CALN1: variants seen among roughly 807,000 people sequenced by gnomAD.
The protein encoded by CALN1 is calcium-binding protein 8.
A neutral mutation model predicts 30.6 loss-of-function variants in CALN1; 17 were observed. The observed-to-expected ratio is 0.56, with a 90% confidence interval of 0.38 to 0.83. CALN1 has a LOEUF of 0.83. Among genes scored for constraint, CALN1 ranks in the 40% least tolerant of loss-of-function variants. The probability of loss-of-function intolerance (pLI) is 0.00; values close to 1 mark genes in which losing one functional copy is unlikely to be tolerated. For missense variants in CALN1, 291 were observed against 354.9 expected (o/e 0.82, Z 1.45); for synonymous variants, 156 against 131.4 (o/e 1.19, Z -1.28).
intron 3 of CALN1, among the ~76,000 whole-genome samples, chr7:72,208,965 C>A (rs1014587682): frequency 6.6e-6 from 1 of 151,878 alleles, no homozygotes; most frequent in African/African-American, 2.4e-5. Flanking sequence ...CTCCCTCCCT[C>A]CCTTTCCTTC....
At chr7:71,884,786 C>T (rs183387930) in intron 5 of CALN1, among the ~76,000 whole-genome samples, 1 of 152,196 alleles carries the variant, frequency 6.6e-6, no homozygotes, top group African/African-American at 2.4e-5. Context: ...GTTTCTTTGC[C>T]ATATTTTGAA....
At chr7:72,193,374 C>T (rs1028318516) in intron 3 of CALN1, among the ~76,000 whole-genome samples, 9 of 151,992 alleles carry the variant, frequency 5.9e-5, no homozygotes, top group African/African-American at 2.2e-4. Context: ...TCAGACATTT[C>T]TGTAGAAGAT....
intron 3 of CALN1, among the ~76,000 whole-genome samples, chr7:72,264,856 GGCCCC>G (rs1796506666): frequency 6.6e-6 from 1 of 152,080 alleles, no homozygotes; most frequent in Non-Finnish European, 1.5e-5. Context: ...CCATCTGATA[GGCCCC>G]AGTGTGTATT....
chr7:72,282,241 A>C (rs777909442), intron 2 of CALN1, among the ~76,000 whole-genome samples: 3 of 152,228 alleles, frequency 2.0e-5, no homozygotes, highest in African/African-American at 4.8e-5. Context: ...CTGAAACTAA[A>C]ACTTGAAGAT....
At position 72,388,626 on chromosome 7, in the gene CALN1, T is replaced by C. The variant is rs866257848; in HGVS notation, c.119+14625A>G. Reference sequence around the variant, plus strand: ...AAATTCAAAACCGTTCTAAAAAAAGTTTATTCTTAAAAAATTTATTCTCAT... The same window carrying C: ...AAATTCAAAACCGTTCTAAAAAAAGCTTATTCTTAAAAAATTTATTCTCAT... On this transcript the variant is annotated intron_variant, in intron 2 of 6. Coordinates refer to ENST00000395275, the MANE Select transcript of CALN1 (RefSeq NM_031468.4). 7.9e-5 allele frequency among the ~76,000 whole-genome samples: 12 copies of C among 152,272 alleles called. No homozygotes were observed. The South Asian group carries it at 1.7e-3, about 21-fold the overall frequency.
chr7:71,819,175 G>T (rs1318923049), intron 5 of CALN1, among the ~76,000 whole-genome samples: 2 of 150,626 alleles, frequency 1.3e-5, no homozygotes, highest in Admixed American at 1.3e-4. Flanking sequence ...TTTTATTGTG[G>T]TAAAATATAA....
chr7:72,457,605 T>C, the CALN1 span, among the ~76,000 whole-genome samples: 2 of 152,092 alleles, frequency 1.3e-5, no homozygotes, highest in Non-Finnish European at 2.9e-5. Flanking sequence ...CACCTTTCCC[T>C]CTTCCTCCTC....
chr7:72,299,272 T>C (rs1028654980), intron 2 of CALN1, among the ~76,000 whole-genome samples: 1 of 152,036 alleles, frequency 6.6e-6, no homozygotes, highest in Non-Finnish European at 1.5e-5. Flanking sequence ...GAAATTACCA[T>C]GAAACAAGGA....
In CALN1 at chr7:72,209,209, C is replaced by CCTTCCCTCT. The variant is rs1562739647; in HGVS notation, c.244+69476_244+69477insAGAGGGAAG. Among the ~76,000 whole-genome samples, 35 of 41,398 alleles carry CCTTCCCTCT rather than the reference C, an allele frequency of 8.5e-4. 1 individual carries two copies. The highest frequency in any genetic ancestry group is 3.4e-3 in the African/African-American group (34 of 10,056). The allele number at this position is 41,398 out of a possible 152,430, so 27.2% of individuals were successfully genotyped here. A position where few individuals can be genotyped will look rare whatever the true frequency, so the allele number is the denominator to read the frequency against. On this transcript the variant is annotated intron_variant, in intron 3 of 6. Transcript: ENST00000395275. ...CCCTCTTTCCTTCCCTCCTTCCCTCCTTCCTTCCCTCCTTCCCTCTTTCCT... is the reference window on the plus strand; with the variant it reads ...CCCTCTTTCCTTCCCTCCTTCCCTCCCTTCCCTCTTTCCTTCCCTCCTTCCCTCTTTCCT...
intron 5 of CALN1, among the ~76,000 whole-genome samples, chr7:71,962,436 A>G (rs901357448): frequency 1.3e-5 from 2 of 152,116 alleles, no homozygotes; most frequent in African/African-American, 4.8e-5. Context: ...GAAGCCAATT[A>G]CCTGTAACAA....
intron 2 of CALN1, among the ~76,000 whole-genome samples, chr7:72,336,293 T>C (rs1016955592): frequency 2.0e-5 from 3 of 151,804 alleles, no homozygotes; most frequent in African/African-American, 4.8e-5. Flanking sequence ...CGGCTCCGAG[T>C]CCCCTGCCCT....
At chr7:71,801,056 A>G (rs1213140111) in intron 6 of CALN1, among the ~76,000 whole-genome samples, 1 of 152,124 alleles carries the variant, frequency 6.6e-6, no homozygotes, top group African/African-American at 2.4e-5. Flanking sequence ...GAGTGAGAAC[A>G]TGCGGTGTTT....
intron 3 of CALN1, among the ~76,000 whole-genome samples, chr7:72,244,439 C>T (rs1008874589): frequency 1.2e-4 from 18 of 152,156 alleles, no homozygotes; most frequent in African/African-American, 3.9e-4. Context: ...CGTGTTCCTG[C>T]TCTCTAGGAT....
intron 2 of CALN1, among the ~76,000 whole-genome samples, chr7:72,333,399 A>C (rs2129558254): frequency 6.6e-6 from 1 of 151,960 alleles, no homozygotes; most frequent in South Asian, 2.1e-4. Context: ...ACATTGAAAA[A>C]CCCCAGGTTG....
the CALN1 span, among the ~76,000 whole-genome samples, chr7:72,479,853 C>T: frequency 2.7e-3 from 412 of 152,254 alleles, 2 homozygotes; most frequent in African/African-American, 9.6e-3. Context: ...GCCCGGCTTA[C>T]AGCACAATTT....
chr7:72,384,125 C>T (rs572233673), intron 2 of CALN1, among the ~76,000 whole-genome samples: 78 of 152,306 alleles, frequency 5.1e-4, no homozygotes, highest in African/African-American at 1.9e-3. Context: ...AAGGAGGCGG[C>T]AAAATGCTTT....
chr7:72,341,699 C>T (rs180802107), intron 2 of CALN1, among the ~76,000 whole-genome samples: 1 of 152,316 alleles, frequency 6.6e-6, no homozygotes. Context: ...TGTTTACTCT[C>T]TCTGAATCTC....
intron 2 of CALN1, among the ~76,000 whole-genome samples, chr7:72,279,485 A>G (rs1585344462): frequency 6.6e-6 from 1 of 152,246 alleles, no homozygotes; most frequent in East Asian, 1.9e-4. Flanking sequence ...CAGGTGTCCC[A>G]CAACGAAGCT....
At chr7:72,302,893 C>CAAAAA (rs71069055) in intron 2 of CALN1, among the ~76,000 whole-genome samples, 873 of 48,522 alleles carry the variant, frequency 0.018, 80 homozygotes, top group Middle Eastern at 0.029. Context: ...GTGAGGGTCT[C>CAAAAA]AAAAAAAAAA....
Sources: gnomAD v4.1 joint callset for allele counts (sites outside exome capture counted in the v4.1 genomes callset) on GRCh38, gnomAD v4.1.1 for gene constraint, MANE v1.5 for transcripts, NCBI Gene and HGNC (gene_info 2026-07-23, HGNC 2026-07-21) for gene names.